Variants in KCND3 observed in about 807,000 individuals in gnomAD.
KCND3 encodes A-type voltage-gated potassium channel KCND3.
In KCND3, 9 loss-of-function variants were observed where a neutral mutation model predicts 51.1. The observed-to-expected ratio is 0.18, with a 90% confidence interval of 0.11 to 0.31. The LOEUF is 0.31. KCND3 is among the 10% of genes least tolerant of loss of function. KCND3 has a pLI of 1.00. For missense variants in KCND3, 526 were observed against 903.8 expected (o/e 0.58, Z 5.36); for synonymous variants, 349 against 368.0 (o/e 0.95, Z 0.59).
At chr1:111,906,991 A>T (rs1361564080) in intron 2 of KCND3, among the ~76,000 whole-genome samples, 14 of 152,116 alleles carry the variant, frequency 9.2e-5, no homozygotes, top group Admixed American at 9.2e-4. Context: ...TCTGGCTAAC[A>T]TTTCCTGTCC....
chr1:111,874,724 C>A (rs1318039319), intron 2 of KCND3, among the ~76,000 whole-genome samples: 1 of 152,160 alleles, frequency 6.6e-6, no homozygotes, highest in Non-Finnish European at 1.5e-5. Context: ...ATAAAACCAA[C>A]CCCCTATCCC....
intron 2 of KCND3, among the ~76,000 whole-genome samples, chr1:111,801,138 G>A (rs1665289988): frequency 6.6e-6 from 1 of 152,220 alleles, no homozygotes; most frequent in African/African-American, 2.4e-5. Context: ...GGGATGAGCT[G>A]CCTCAACTGC....
intron 2 of KCND3, among the ~76,000 whole-genome samples, chr1:111,804,906 G>A (rs570476708): frequency 2.0e-5 from 3 of 152,332 alleles, no homozygotes; most frequent in East Asian, 3.9e-4. Flanking sequence ...CAGTGAGGGC[G>A]GATGCTGCAT....
At chr1:111,820,595 C>T (rs964048190) in intron 2 of KCND3, among the ~76,000 whole-genome samples, 1 of 152,186 alleles carries the variant, frequency 6.6e-6, no homozygotes, top group Non-Finnish European at 1.5e-5. Flanking sequence ...TTTGCTTCTT[C>T]TCCTTCTCCA....
chr1:111,891,202 T>C (rs1669804824), intron 2 of KCND3, among the ~76,000 whole-genome samples: 1 of 152,092 alleles, frequency 6.6e-6, no homozygotes, highest in Admixed American at 6.5e-5. Context: ...TTGTAAAGGG[T>C]TGGGCACATG....
chr1:111,837,780 A>G (rs566672551), intron 2 of KCND3, among the ~76,000 whole-genome samples: 31 of 152,278 alleles, frequency 2.0e-4, no homozygotes, highest in African/African-American at 6.5e-4. Context: ...CCCCCCCTCG[A>G]AAAACACTAA....
In KCND3 at chr1:111,981,975, C is replaced by A. The variant is rs1451157530; in HGVS notation, c.752G>T (p.Arg251Leu). ...CATGACGCTGCGGATGAAGCGGTAG[C>A]GGCTGGGAGCCGCGAAGAGCCGCAG... ...YLLRLFAAPS[R>L]YRFIRSVMSI... Residue 251 changes from arginine to leucine, a missense_variant, in exon 2 of 8, where the codon CGC becomes CTC. By Grantham distance (102) the Arg-to-Leu change is moderately radical (BLOSUM62 -2). Around this residue, in one of 5 missense-constraint regions of KCND3, gnomAD observed 51 missense variants for 84.7 expected, o/e 0.60. Transcript: ENST00000302127. This position sits in a 1 kb window ranked among gnomAD's most constrained non-coding sequence, Gnocchi z 6.2. The A allele has an allele frequency of 6.2e-7, 1 of 1,613,920 alleles. No individual in the cohort carries two copies. The highest frequency in any genetic ancestry group is 8.5e-7 in the Non-Finnish European group (1 of 1,180,004).
At chr1:111,978,042 A>G (rs1674739076) in intron 2 of KCND3, among the ~76,000 whole-genome samples, 1 of 152,216 alleles carries the variant, frequency 6.6e-6, no homozygotes, top group Admixed American at 6.5e-5. Flanking sequence ...GTAGTGCAGG[A>G]GGCTGCATAG....
At chr1:111,865,651 T>A (rs1668523955) in intron 2 of KCND3, among the ~76,000 whole-genome samples, 1 of 152,238 alleles carries the variant, frequency 6.6e-6, no homozygotes, top group African/African-American at 2.4e-5. Flanking sequence ...ATATTGCTAT[T>A]GTTCAAAACA....
At chr1:111,977,411 C>T (rs1311559200) in intron 2 of KCND3, among the ~76,000 whole-genome samples, 4 of 152,158 alleles carry the variant, frequency 2.6e-5, no homozygotes, top group Admixed American at 1.3e-4. Flanking sequence ...ATGCAAATCA[C>T]CTGGAGGCGG....
chr1:111,934,760 T>C (rs549173444), intron 2 of KCND3, among the ~76,000 whole-genome samples: 12 of 152,188 alleles, frequency 7.9e-5, no homozygotes, highest in African/African-American at 2.9e-4. Context: ...TCTGGGTCTG[T>C]ATCCTGGTTT....
At chr1:111,987,808 A>G (rs75013985) in intron 1 of KCND3, among the ~76,000 whole-genome samples, 991 of 152,084 alleles carry the variant, frequency 6.5e-3, no homozygotes, top group Non-Finnish European at 0.012. Context: ...ATCTGAAGCT[A>G]TTTTTGTTTT....
At chr1:111,805,555 G>C (rs1176139717) in intron 2 of KCND3, among the ~76,000 whole-genome samples, 1 of 152,210 alleles carries the variant, frequency 6.6e-6, no homozygotes, top group Admixed American at 6.5e-5. Flanking sequence ...TCTTAGAAAT[G>C]TTATCAAGTC....
chr1:111,928,314 C>T (rs1281241124), intron 2 of KCND3, among the ~76,000 whole-genome samples: 1 of 152,164 alleles, frequency 6.6e-6, no homozygotes. Context: ...AGCTCACCTA[C>T]TCCCCGGGAA....
chr1:111,928,275 C>A (rs1484299472), intron 2 of KCND3, among the ~76,000 whole-genome samples: 1 of 152,176 alleles, frequency 6.6e-6, no homozygotes, highest in Non-Finnish European at 1.5e-5. Context: ...GGTCATGGTG[C>A]ACTAGAAAGT....
At chr1:111,777,361 G>T in intron 6 of KCND3, 88 bp from the exon 7 acceptor site, 1 of 1,439,592 alleles carries the variant, frequency 6.9e-7, no homozygotes, top group Non-Finnish European at 9.7e-7. Flanking sequence ...GCCTGTCTCT[G>T]TTCTGGACCT....
chr1:111,976,324 C>T (rs146010195), intron 2 of KCND3, among the ~76,000 whole-genome samples: 9 of 152,318 alleles, frequency 5.9e-5, no homozygotes, highest in African/African-American at 1.9e-4. Flanking sequence ...CCCAACCCTC[C>T]TAAGCCTAAA....
intron 2 of KCND3, among the ~76,000 whole-genome samples, chr1:111,901,932 G>C (rs17029027): frequency 0.086 from 13,018 of 152,218 alleles, 903 homozygotes; most frequent in South Asian, 0.25. Context: ...TCATTTTGCA[G>C]CTGAGACTGA....
chr1:111,851,390 C>A (rs762437884), intron 2 of KCND3, among the ~76,000 whole-genome samples: 3 of 152,178 alleles, frequency 2.0e-5, no homozygotes, highest in African/African-American at 4.8e-5. Context: ...ATGCAGTTTC[C>A]TTGAGTCCTT....
Sources: gnomAD v4.1 joint callset for allele counts (sites outside exome capture counted in the v4.1 genomes callset) on GRCh38, gnomAD v4.1.1 for gene constraint, gnomAD v4.1.1 regional missense constraint, Gnocchi (gnomAD v3.1) non-coding constraint, MANE v1.5 for transcripts, NCBI Gene and HGNC (gene_info 2026-07-23, HGNC 2026-07-21) for gene names.